Variants in THOC5 observed in about 807,000 individuals in gnomAD.
THOC5 encodes THO complex subunit 5.
In THOC5, 43 loss-of-function variants were observed where a neutral mutation model predicts 92.9. The observed-to-expected ratio is 0.46, with a 90% confidence interval of 0.36 to 0.60. The LOEUF is 0.60. THOC5 is among the 20% of genes least tolerant of loss of function. The pLI, the probability that THOC5 is intolerant of heterozygous loss-of-function variation, is 0.00. For synonymous variants in THOC5, 296 were observed against 320.1 expected (o/e 0.92, Z 0.80); for missense variants, 659 against 849.4 (o/e 0.78, Z 2.79).
intron 4 of THOC5, 77 bp downstream of exon 4, chr22:29,543,352 A>G: frequency 1.2e-6 from 1 of 819,000 alleles, no homozygotes; most frequent in Admixed American, 3.2e-5. Flanking sequence ...TGTCTCAAAA[A>G]AAAAAAAAAA....
At chr22:29,527,919 A>G (rs2063574666) in intron 11 of THOC5, among the ~76,000 whole-genome samples, 159 bp downstream of exon 11, 1 of 152,240 alleles carries the variant, frequency 6.6e-6, no homozygotes, top group South Asian at 2.1e-4. Context: ...TAACAAAAAG[A>G]AACAAAGTCC....
At chr22:29,528,574 A>G in intron 9 of THOC5, 108 bp from the exon 10 acceptor site, 1 of 1,058,144 alleles carries the variant, frequency 9.5e-7, no homozygotes, top group South Asian at 1.3e-5. Flanking sequence ...TTTTGTAAAT[A>G]AGTTTCTCTG....
intron 6 of THOC5, among the ~76,000 whole-genome samples, chr22:29,537,670 T>C (rs1404412682): frequency 6.6e-6 from 1 of 151,258 alleles, no homozygotes; most frequent in Admixed American, 6.6e-5. Context: ...GGCAGGTGAA[T>C]CACGAGGTCA....
At chr22:29,526,769 T>G (rs557923235) in intron 11 of THOC5, among the ~76,000 whole-genome samples, 2 of 152,248 alleles carry the variant, frequency 1.3e-5, no homozygotes, top group East Asian at 3.9e-4. Flanking sequence ...TATGACATGA[T>G]AGCGACGACC....
rs58996343 is a variant in THOC5 at position 29,538,827 on chromosome 22, A to AC, written c.599+502_599+503insG. On this transcript the variant is annotated intron_variant, in intron 6 of 19. Coordinates refer to ENST00000490103, the MANE Select transcript of THOC5 (RefSeq NM_003678.5). ...AAAAAAAAAAAAAAAAAAAAAAAAA[A>AC]GGGCCAGGCACAGTGGCTCACGTCT... 1.0e-3 allele frequency among the ~76,000 whole-genome samples: 146 copies of AC among 144,014 alleles called. 1 individual carries two copies. Among genetic ancestry groups the AC allele is most frequent in the African/African-American group, 3.5e-3 (135 of 38,926 alleles). The allele number at this position is 144,014 out of a possible 152,430, so 94.5% of individuals were successfully genotyped here. A position where few individuals can be genotyped will look rare whatever the true frequency, so the allele number is the denominator to read the frequency against.
intron 7 of THOC5, among the ~76,000 whole-genome samples, chr22:29,535,641 C>T (rs2146521953): frequency 6.6e-6 from 1 of 152,254 alleles, no homozygotes; most frequent in Middle Eastern, 3.4e-3. Flanking sequence ...AAGGCTGTAC[C>T]ATACAAGAAT....
At chr22:29,550,185 A>C (rs1173900218) in intron 1 of THOC5, among the ~76,000 whole-genome samples, 2 of 152,158 alleles carry the variant, frequency 1.3e-5, no homozygotes, top group East Asian at 3.9e-4. Context: ...CTTTTCAGCT[A>C]AGAACTACCA....
chr22:29,546,540 C>T lies in THOC5; in HGVS notation c.97-1937G>A, dbSNP rs374212528. 6.0e-4 allele frequency among the ~76,000 whole-genome samples: 42 copies of T among 69,488 alleles called. 1 individual carries two copies. The East Asian group carries it at 9.9e-3, about 16-fold the overall frequency. The allele number at this position is 69,488 out of a possible 152,430, so 45.6% of individuals were successfully genotyped here. A position where few individuals can be genotyped will look rare whatever the true frequency, so the allele number is the denominator to read the frequency against. On this transcript the variant is annotated intron_variant, in intron 2 of 19. Transcript: ENST00000490103. ...TGCCTCCCAGGTTCAGGCAATTCTC[C>T]TGCCTCAGGCTTGGAGATTACAGTG...
chr22:29,531,657 G>T, intron 8 of THOC5, 174 bp downstream of exon 8: 11 of 1,387,432 alleles, frequency 7.9e-6, no homozygotes, highest in Non-Finnish European at 1.0e-5. Flanking sequence ...CCAGCCTTAG[G>T]CCAGCTGGTC....
At chr22:29,544,699 C>T (rs1185168812) in intron 2 of THOC5, 96 bp from the exon 3 acceptor site, 4 of 1,277,716 alleles carry the variant, frequency 3.1e-6, no homozygotes, top group Non-Finnish European at 4.2e-6. Context: ...TAGATAAAAA[C>T]AGTAACAATG....
chr22:29,543,269 A>G, intron 4 of THOC5, 160 bp downstream of exon 4: 1 of 582,946 alleles, frequency 1.7e-6, no homozygotes, highest in Non-Finnish European at 3.0e-6. Context: ...AATCGCTTGA[A>G]GCTGGGAGGC....
intron 17 of THOC5, among the ~76,000 whole-genome samples, chr22:29,512,485 C>T (rs2063244043): frequency 6.6e-6 from 1 of 152,214 alleles, no homozygotes; most frequent in African/African-American, 2.4e-5. Flanking sequence ...CTAAGGTTTT[C>T]TCCATGTGAA....
intron 12 of THOC5, among the ~76,000 whole-genome samples, chr22:29,522,968 T>A (rs1209995174): frequency 1.3e-5 from 2 of 151,940 alleles, no homozygotes; most frequent in Non-Finnish European, 2.9e-5. Context: ...ACCACTGCAC[T>A]CCAGCCTGGG....
At chr22:29,509,275 C>CAA (rs59981269) in intron 19 of THOC5, among the ~76,000 whole-genome samples, 3 of 70,936 alleles carry the variant, frequency 4.2e-5, no homozygotes, top group Admixed American at 1.6e-4. Flanking sequence ...GACTCTGTCT[C>CAA]AAAAAAAAAA....
At position 29,528,058 on chromosome 22, in the gene THOC5, C is replaced by T; in HGVS notation, c.1066+20G>A. On this transcript the variant is annotated intron_variant, in intron 11 of 19. Coordinates refer to ENST00000490103, the MANE Select transcript of THOC5 (RefSeq NM_003678.5). ...TCTTAGGTGCTACAGATCCCTTAAA[C>T]AAGGTGAGTGCAACCAGACCTTTGC... 1.2e-6 allele frequency: 2 copies of T among 1,613,760 alleles called. No individual in the cohort carries two copies. The highest frequency in any genetic ancestry group is 1.3e-5 in the African/African-American group (1 of 75,058).
At chr22:29,551,608 A>G (rs146563006) in intron 1 of THOC5, among the ~76,000 whole-genome samples, 215 of 152,162 alleles carry the variant, frequency 1.4e-3, no homozygotes, top group African/African-American at 4.9e-3. Flanking sequence ...AAATTAGCCT[A>G]GTATGGCGGT....
chr22:29,539,527 T>C (rs373575992), intron 5 of THOC5, 51 bp from the exon 6 acceptor site: 97 of 1,586,528 alleles, frequency 6.1e-5, no homozygotes, highest in Non-Finnish European at 8.1e-5. Context: ...AACTAAACTG[T>C]AGTTTAAGCA....
intron 1 of THOC5, among the ~76,000 whole-genome samples, chr22:29,551,997 G>T (rs2064160763): frequency 6.6e-6 from 1 of 152,194 alleles, no homozygotes. Flanking sequence ...GTGTTGGCCA[G>T]GCTGGTCTCC....
chr22:29,541,459 G>T (rs2063879159), intron 5 of THOC5, among the ~76,000 whole-genome samples: 1 of 144,070 alleles, frequency 6.9e-6, no homozygotes, highest in Non-Finnish European at 1.5e-5. Context: ...AGTGAGCCAG[G>T]ATTGTGCCAC....
Sources: gnomAD v4.1 joint callset for allele counts (sites outside exome capture counted in the v4.1 genomes callset) on GRCh38, gnomAD v4.1.1 for gene constraint, MANE v1.5 for transcripts, NCBI Gene and HGNC (gene_info 2026-07-23, HGNC 2026-07-21) for gene names.